SHROOM3: variants seen among roughly 807,000 people sequenced by gnomAD.
SHROOM3 encodes the protein shroom family member 3.
Under a neutral mutation model 138.6 loss-of-function variants are expected in SHROOM3, and 47 were observed. That is an observed-to-expected ratio of 0.34 (90% confidence interval 0.27 to 0.43). The LOEUF (loss-of-function observed/expected upper bound fraction) is 0.43. SHROOM3 is among the 20% of genes least tolerant of loss of function. The pLI is 1.00. For missense variants in SHROOM3, 2,491 were observed against 2,596.5 expected, an observed-to-expected ratio of 0.96 and a Z score of 0.88; for synonymous variants, 1,062 against 1,063.3, an observed-to-expected ratio of 1.00 and a Z score of 0.02.
At chr4:76,595,394 G>A (rs1057289560) in intron 2 of SHROOM3, among the ~76,000 whole-genome samples, 1 of 152,130 alleles carries the variant, frequency 6.6e-6, no homozygotes, top group African/African-American at 2.4e-5. Context: ...AAAGCTCCAG[G>A]TTTGTCTGTG....
At chr4:76,692,202 C>T (rs902861741) in intron 2 of SHROOM3, among the ~76,000 whole-genome samples, 2 of 152,224 alleles carry the variant, frequency 1.3e-5, no homozygotes, top group African/African-American at 4.8e-5. Flanking sequence ...CTCCATTTCA[C>T]AGCCTTCAGC....
chr4:76,757,376 C>T (rs1345600530), intron 8 of SHROOM3, among the ~76,000 whole-genome samples: 1 of 152,146 alleles, frequency 6.6e-6, no homozygotes, highest in Non-Finnish European at 1.5e-5. Context: ...ATGACTGTGC[C>T]TGTCTCCAGC....
At chr4:76,592,724 A>G (rs1269749940) in intron 2 of SHROOM3, among the ~76,000 whole-genome samples, 1 of 152,186 alleles carries the variant, frequency 6.6e-6, no homozygotes, top group Non-Finnish European at 1.5e-5. Flanking sequence ...TTTGCTTCCA[A>G]TTTCAGCTAC....
intron 1 of SHROOM3, among the ~76,000 whole-genome samples, chr4:76,506,813 T>A (rs1038172345): frequency 2.0e-5 from 3 of 152,198 alleles, no homozygotes; most frequent in African/African-American, 7.2e-5. Context: ...ATTTTTTTTG[T>A]CCATATGTAG....
intron 4 of SHROOM3, 137 bp from the exon 5 acceptor site, chr4:76,738,624 A>C: frequency 1.0e-6 from 1 of 983,222 alleles, no homozygotes; most frequent in East Asian, 2.4e-5. Context: ...AGCAAGGCCC[A>C]AATATGGCCC....
At chr4:76,567,969 T>A (rs1733763491) in intron 2 of SHROOM3, among the ~76,000 whole-genome samples, 1 of 152,170 alleles carries the variant, frequency 6.6e-6, no homozygotes, top group Non-Finnish European at 1.5e-5. Flanking sequence ...CTTCAGGTAT[T>A]TGCTCAAATG....
intron 4 of SHROOM3, among the ~76,000 whole-genome samples, chr4:76,735,826 C>G (rs375725606): frequency 8.5e-6 from 1 of 117,306 alleles, no homozygotes; most frequent in South Asian, 3.1e-4. Context: ...GGCGACAGAC[C>G]GAGACTCTAT....
intron 2 of SHROOM3, among the ~76,000 whole-genome samples, chr4:76,673,676 AT>A (rs1211607203): frequency 2.0e-5 from 3 of 152,164 alleles, no homozygotes; most frequent in Non-Finnish European, 2.9e-5. Context: ...GTTAAAAAAA[AT>A]TTTAATTGTG....
intron 2 of SHROOM3, among the ~76,000 whole-genome samples, chr4:76,676,109 T>C (rs1041352448): frequency 6.6e-6 from 1 of 152,188 alleles, no homozygotes; most frequent in Non-Finnish European, 1.5e-5. Flanking sequence ...GGAGTAGATC[T>C]CGTTGGGAAT....
chr4:76,530,844 G>A (rs1018980639), intron 1 of SHROOM3, among the ~76,000 whole-genome samples: 6 of 152,168 alleles, frequency 3.9e-5, no homozygotes, highest in Admixed American at 1.3e-4. Context: ...CATCACACAC[G>A]GGAGGCTGTG....
intron 1 of SHROOM3, among the ~76,000 whole-genome samples, chr4:76,442,848 G>T (rs777219292): frequency 2.0e-5 from 3 of 149,658 alleles, no homozygotes; most frequent in Non-Finnish European, 3.0e-5. Flanking sequence ...TTTATTATTC[G>T]TGGTGCTTAA....
intron 2 of SHROOM3, among the ~76,000 whole-genome samples, chr4:76,692,368 TCA>T (rs1039344647): frequency 1.3e-5 from 2 of 152,214 alleles, no homozygotes; most frequent in African/African-American, 4.8e-5. Context: ...TTCCCTGCCC[TCA>T]GGAACTCGTC....
chr4:76,436,327 G>T, intron 1 of SHROOM3, 107 bp downstream of exon 1: 1 of 1,157,908 alleles, frequency 8.6e-7, no homozygotes, highest in African/African-American at 1.6e-5. Context: ...AACTTAATTT[G>T]CTGTTTCATG....
At chr4:76,556,359 T>C (rs958572873) in intron 2 of SHROOM3, among the ~76,000 whole-genome samples, 13 of 152,298 alleles carry the variant, frequency 8.5e-5, no homozygotes, top group African/African-American at 3.1e-4. Flanking sequence ...AATTGAATTA[T>C]TTTTTTGATC....
chr4:76,749,185 A>G (rs1721544826), intron 6 of SHROOM3, 95 bp downstream of exon 6: 3 of 1,183,260 alleles, frequency 2.5e-6, no homozygotes, highest in African/African-American at 3.0e-5. Context: ...ATGTGATGTC[A>G]TATAGTGTCA....
chr4:76,588,601 C>T (rs1229379593), intron 2 of SHROOM3, among the ~76,000 whole-genome samples: 1 of 152,166 alleles, frequency 6.6e-6, no homozygotes, highest in East Asian at 1.9e-4. Flanking sequence ...CTCTCCCCTT[C>T]TTCTCCCCAC....
At position 76,782,658 on chromosome 4, in the gene SHROOM3, GTTA is replaced by G. The variant is rs891127106; in HGVS notation, c.*3487_*3489del. ...GTGCTGGCTTCATTGTTAGGTTGGA[GTTA>G]TTATTTTCCTTTTAGAACAACATGA... On this transcript the variant is annotated 3_prime_UTR_variant, in exon 11 of 11. Transcript: ENST00000296043. 9.9e-5 allele frequency: 15 copies of G among 152,224 alleles called. 1 individual carries two copies. The highest frequency in any genetic ancestry group is 7.2e-4 in the Admixed American group (11 of 15,284). 9.4% of individuals were successfully genotyped at this position (152,224 alleles called of 1,614,324 possible).
intron 1 of SHROOM3, among the ~76,000 whole-genome samples, chr4:76,444,745 C>T (rs1180015170): frequency 5.9e-5 from 9 of 151,978 alleles, no homozygotes; most frequent in East Asian, 5.9e-4. Context: ...CCGCCTGCTT[C>T]GGCCTCCCAA....
chr4:76,593,472 C>T lies in SHROOM3; in HGVS notation c.323+37709C>T, dbSNP rs149011704. 4.8e-3 allele frequency among the ~76,000 whole-genome samples: 731 copies of T among 152,224 alleles called. 3 individuals are homozygous for T. Among genetic ancestry groups the T allele is most frequent in the African/African-American group, 0.017 (703 of 41,538 alleles). On this transcript the variant is annotated intron_variant, in intron 2 of 10. Transcript: ENST00000296043. ...TATAAATCTGAAAGAATGATAAAAC[C>T]ACCCACGATGACTGGCCCTGTTATT...
Sources: allele counts gnomAD v4.1 joint callset (sites outside exome capture counted in the v4.1 genomes callset), GRCh38; gene constraint gnomAD v4.1.1; transcripts MANE v1.5; gene names NCBI Gene and HGNC (gene_info 2026-07-23, HGNC 2026-07-21).